Variants in KLHL11 observed in about 807,000 individuals in gnomAD.
KLHL11 encodes the protein kelch-like protein 11.
A neutral mutation model predicts 56.1 loss-of-function variants in KLHL11; 26 were observed. The ratio of observed to expected loss-of-function variants is 0.46; its 90% confidence interval spans 0.34 to 0.64. The LOEUF is 0.64. Among genes scored for constraint, KLHL11 ranks in the 30% least tolerant of loss-of-function variants. The probability of loss-of-function intolerance (pLI) is 0.01; values close to 1 mark genes in which losing one functional copy is unlikely to be tolerated. For synonymous variants in KLHL11, 338 were observed against 345.8 expected (o/e 0.98, Z 0.25); for missense variants, 627 against 919.4 (o/e 0.68, Z 4.11).
At chr17:41,863,190 CTTTTT>C (rs58265395) in intron 1 of KLHL11, among the ~76,000 whole-genome samples, 118 of 133,020 alleles carry the variant, frequency 8.9e-4, no homozygotes, top group African/African-American at 2.2e-3. Context: ...ATCCTTTGTT[CTTTTT>C]TTTTTTTTTT....
intron 1 of KLHL11, among the ~76,000 whole-genome samples, chr17:41,858,947 A>G (rs2048385570): frequency 6.6e-6 from 1 of 152,096 alleles, no homozygotes; most frequent in African/African-American, 2.4e-5. Context: ...CCAGGCAGGA[A>G]CTTCTTTGGG....
chr17:41,852,380 G>A lies in KLHL11; in HGVS notation c.*1360C>T, dbSNP rs114478495. The stretch of plus-strand genomic sequence containing the variant: ...GGTATCCTAGGCTCAGGCAAAGTTT[G>A]AAAGTGTGGGGCAACTGGATAAAAT... On this transcript the variant is annotated 3_prime_UTR_variant, in exon 2 of 2. Coordinates refer to ENST00000319121, the MANE Select transcript of KLHL11 (RefSeq NM_018143.3). Among the ~76,000 whole-genome samples the A allele has an allele frequency of 3.4e-3, 525 of 152,234 alleles. 6 individuals carry two copies. Among genetic ancestry groups the A allele is most frequent in the African/African-American group, 0.012 (506 of 41,538 alleles).
intron 1 of KLHL11, among the ~76,000 whole-genome samples, chr17:41,859,072 C>T (rs1211015825): frequency 6.6e-6 from 1 of 152,068 alleles, no homozygotes; most frequent in Non-Finnish European, 1.5e-5. Context: ...TCAAGTTGCC[C>T]TGAATATATA....
At chr17:41,864,123 T>C (rs1183635691) in intron 1 of KLHL11, among the ~76,000 whole-genome samples, 1 of 152,244 alleles carries the variant, frequency 6.6e-6, no homozygotes, top group Non-Finnish European at 1.5e-5. Flanking sequence ...AAGATGATAA[T>C]TGCCAAAACA....
chr17:41,853,312 T>C lies in KLHL11; in HGVS notation c.*428A>G, dbSNP rs2048342254. Among the ~76,000 whole-genome samples, 1 of 152,220 alleles carries C rather than the reference T, an allele frequency of 6.6e-6. No homozygotes were observed. The highest frequency in any genetic ancestry group is 2.1e-4 in the South Asian group (1 of 4,830). Reference sequence around the variant, plus strand: ...ATGCCTCCTGCAGATGAGGGCTCAATGCAGAAGTCAGATCTTGCCAAAACC... The same window carrying C: ...ATGCCTCCTGCAGATGAGGGCTCAACGCAGAAGTCAGATCTTGCCAAAACC... On this transcript the variant is annotated 3_prime_UTR_variant, in exon 2 of 2. Coordinates refer to ENST00000319121, the MANE Select transcript of KLHL11 (RefSeq NM_018143.3).
intron 1 of KLHL11, among the ~76,000 whole-genome samples, chr17:41,855,984 C>A (rs1203525679): frequency 2.4e-4 from 25 of 105,146 alleles, no homozygotes; most frequent in Admixed American, 8.0e-4. Flanking sequence ...CCTACACCAT[C>A]CCCCCCCCAA....
At chr17:41,864,749 C>G in intron 1 of KLHL11, 77 bp downstream of exon 1, 2 of 1,381,642 alleles carry the variant, frequency 1.4e-6, no homozygotes, top group South Asian at 3.0e-5. Context: ...GTGGCAGGCA[C>G]TGCCCTCCCC....
At chr17:41,862,223 G>T (rs578193250) in intron 1 of KLHL11, among the ~76,000 whole-genome samples, 1 of 151,468 alleles carries the variant, frequency 6.6e-6, no homozygotes, top group Admixed American at 6.6e-5. Flanking sequence ...TGAGTAGTTG[G>T]GATTACAGGC....
intron 1 of KLHL11, among the ~76,000 whole-genome samples, chr17:41,862,717 G>A (rs72837403): frequency 0.039 from 5,997 of 152,132 alleles, 159 homozygotes; most frequent in Non-Finnish European, 0.057. Flanking sequence ...TTACATTCTA[G>A]AGAACCCCAG....
rs1555622207 is a variant in KLHL11 at position 41,853,866 on chromosome 17, A to C, written c.2001T>G (p.His667Gln). The change falls in exon 2 of 2, where the codon CAT (histidine) becomes CAG (glutamine). Residue 667 changes from histidine (H) to glutamine (Q), a missense_variant. By Grantham distance (24) the His-to-Gln change is conservative (BLOSUM62 0). Around this residue, in one of 4 missense-constraint regions of KLHL11, gnomAD observed 250 missense variants for 360.6 expected, o/e 0.69. Transcript: ENST00000319121. The part of the protein sequence containing the change: ...CHVRIPYRYL[H>Q]GTQRYPMPQN... ...GAGGCATAGGGTATCTCTGTGTGCC[A>C]TGCAAGTACCGGTATGGGATCCTCA... is the stretch of plus-strand genomic sequence containing the variant. The C allele has an allele frequency of 6.2e-7, 1 of 1,614,188 alleles. No homozygotes were observed. Among genetic ancestry groups the C allele is most frequent in the Non-Finnish European group, 8.5e-7 (1 of 1,180,040 alleles).
At chr17:41,856,358 T>C (rs2048366542) in intron 1 of KLHL11, among the ~76,000 whole-genome samples, 1 of 151,846 alleles carries the variant, frequency 6.6e-6, no homozygotes, top group Non-Finnish European at 1.5e-5. Context: ...TCTACACTGG[T>C]CTTGAACTCC....
In KLHL11 at chr17:41,851,545, T is replaced by A. The variant is rs1028836270; in HGVS notation, c.*2195A>T. ...TGAACCCGGGAGGTGGAGGTTGCAGTGAGCTGAGACTGCGCAACTGCACTC... is the reference window on the plus strand; with the variant it reads ...TGAACCCGGGAGGTGGAGGTTGCAGAGAGCTGAGACTGCGCAACTGCACTC... On this transcript the variant is annotated 3_prime_UTR_variant, in exon 2 of 2. Coordinates refer to ENST00000319121, the MANE Select transcript of KLHL11 (RefSeq NM_018143.3). 1.3e-5 allele frequency: 2 copies of A among 148,546 alleles called. No homozygotes were observed. Among genetic ancestry groups the A allele is most frequent in the Admixed American group, 6.8e-5 (1 of 14,760 alleles). 9.2% of individuals were successfully genotyped at this position (148,546 alleles called of 1,614,324 possible).
chr17:41,852,715 T>C lies in KLHL11; in HGVS notation c.*1025A>G, dbSNP rs918996447. 9.0e-5 allele frequency among the ~76,000 whole-genome samples: 13 copies of C among 143,992 alleles called. No individual in the cohort carries two copies. The highest frequency in any genetic ancestry group is 1.6e-4 in the Non-Finnish European group (11 of 66,802). 94.5% of individuals were successfully genotyped at this position (143,992 alleles called of 152,430 possible). On this transcript the variant is annotated 3_prime_UTR_variant, in exon 2 of 2. Coordinates refer to ENST00000319121, the MANE Select transcript of KLHL11 (RefSeq NM_018143.3). ...CTGAGGCAAGAGAATCACTCGAACC[T>C]GGCAGGCAGAGGTTGCAGTGAGCCG...
chr17:41,855,518 TACC>T (rs2048359354), intron 1 of KLHL11, among the ~76,000 whole-genome samples, 197 bp from the exon 2 acceptor site: 1 of 151,876 alleles, frequency 6.6e-6, no homozygotes, highest in African/African-American at 2.4e-5. Context: ...AGTTGGGGCA[TACC>T]ACCATGTCCA....
In KLHL11 at chr17:41,854,737, C is replaced by A. The variant is rs782115934; in HGVS notation, c.1130G>T (p.Cys377Phe). 1 of 1,614,188 alleles carries A rather than the reference C, an allele frequency of 6.2e-7. No individual in the cohort carries two copies. Among genetic ancestry groups the A allele is most frequent in the Admixed American group, 1.7e-5 (1 of 60,018 alleles). The change falls in exon 2 of 2, where the codon TGT (cysteine) becomes TTT (phenylalanine). Residue 377 changes from cysteine to phenylalanine, a missense_variant. Transcript: ENST00000319121. This position sits in a 1 kb window ranked among gnomAD's most constrained non-coding sequence, Gnocchi z 4.9. The part of the protein sequence containing the change: ...VSEGGDYLSE[C>F]VGYFVDEDRW... ...GTCCTCATCAACAAAGTATCCCACA[C>A]ATTCACTTAAATAGTCCCCTCCTTC...
rs1329883397 is a variant in KLHL11, at chr17:41,854,772, T to C, written c.1095A>G (p.Gly365=). Residue 365 remains glycine (G), a synonymous_variant, in exon 2 of 2, where the codon GGA becomes GGG. Coordinates refer to ENST00000319121, the MANE Select transcript of KLHL11 (RefSeq NM_018143.3). The surrounding 1 kb of genome is among the most constrained non-coding windows in gnomAD (Gnocchi z 4.9). ...GQNMDVIMVI[G]GVSEGGDYLS... ...AATAGTCCCCTCCTTCTGACACACCTCCAATAACCATGATCACATCCATGT... is the reference window on the plus strand; with the variant it reads ...AATAGTCCCCTCCTTCTGACACACCCCCAATAACCATGATCACATCCATGT... 5.0e-6 allele frequency: 8 copies of C among 1,614,134 alleles called. No homozygotes were observed. The East Asian group carries it at 1.8e-4, about 36-fold the overall frequency.
chr17:41,853,747 T>C lies in KLHL11; in HGVS notation c.2120A>G (p.Glu707Gly). 6 of 1,607,302 alleles carry C rather than the reference T, an allele frequency of 3.7e-6. No individual in the cohort carries two copies. The highest frequency in any genetic ancestry group is 3.4e-6 in the Non-Finnish European group (4 of 1,174,774). The change falls in exon 2 of 2, where the codon GAA (glutamate) becomes GGA (glycine). Residue 707 changes from glutamate (E) to glycine (G), a missense_variant. Physicochemically the swap from Glu to Gly is moderately conservative, Grantham distance 98 (BLOSUM62 -2). Transcript: ENST00000319121. Reference sequence around the variant, plus strand: ...CGGCACGCTTGAGAGAACCTAGCATTCAATCTGAGAGCTTGGCACTCGCCT... The same window carrying C: ...CGGCACGCTTGAGAGAACCTAGCATCCAATCTGAGAGCTTGGCACTCGCCT... ...NMRRVPSSQI[E>G]C
At chr17:41,855,641 G>T (rs2048360127) in intron 1 of KLHL11, among the ~76,000 whole-genome samples, 1 of 151,656 alleles carries the variant, frequency 6.6e-6, no homozygotes, top group Non-Finnish European at 1.5e-5. Flanking sequence ...AAAGTGCTGG[G>T]ATTACAGGCG....
rs782563265 is a variant in KLHL11 at position 41,854,689 on chromosome 17, A to G, written c.1178T>C (p.Ile393Thr). 3 of 1,614,168 alleles carry G rather than the reference A, an allele frequency of 1.9e-6. No individual in the cohort carries two copies. The highest frequency in any genetic ancestry group is 1.7e-6 in the Non-Finnish European group (2 of 1,180,048). The change falls in exon 2 of 2, where the codon ATT becomes ACT. Residue 393 changes from isoleucine (I) to threonine (T), a missense_variant. Ile to Thr is a moderately conservative substitution (Grantham distance 89). This residue lies in a region of KLHL11 where 106 missense variants were observed against 227.0 expected (regional missense o/e 0.47). Coordinates refer to ENST00000319121, the MANE Select transcript of KLHL11 (RefSeq NM_018143.3). This position sits in a 1 kb window ranked among gnomAD's most constrained non-coding sequence, Gnocchi z 4.9. ...DEDRWVNLPH[I>T]HNHLDGHAVA... Reference sequence around the variant, plus strand: ...AGCATGTCCATCGAGGTGATTATGAATATGTGGCAGATTTACCCATCTGTC... The same window carrying G: ...AGCATGTCCATCGAGGTGATTATGAGTATGTGGCAGATTTACCCATCTGTC...
Sources: allele counts gnomAD v4.1 joint callset (sites outside exome capture counted in the v4.1 genomes callset), GRCh38; gene constraint gnomAD v4.1.1; regional missense constraint gnomAD v4.1.1; non-coding constraint Gnocchi (gnomAD v3.1); transcripts MANE v1.5; gene names NCBI Gene and HGNC (gene_info 2026-07-23, HGNC 2026-07-21).